The following DNER variants were observed in gnomAD, a reference collection of about 807,000 sequenced individuals.
DNER encodes delta and Notch-like epidermal growth factor-related receptor.
In DNER, 33 loss-of-function variants were observed where a neutral mutation model predicts 78.2. The observed-to-expected ratio is 0.42, with a 90% confidence interval of 0.32 to 0.56. The LOEUF is 0.56. DNER is among the 20% of genes least tolerant of loss of function. The pLI is 0.11. For synonymous variants in DNER, 417 were observed against 384.8 expected (o/e 1.08, Z -0.98); for missense variants, 918 against 975.3 (o/e 0.94, Z 0.78).
intron 11 of DNER, among the ~76,000 whole-genome samples, chr2:229,369,163 T>C (rs1574809354): frequency 6.6e-6 from 1 of 152,192 alleles, no homozygotes; most frequent in Non-Finnish European, 1.5e-5. Context: ...GAAACATGTT[T>C]TTAAAACATT....
intron 1 of DNER, among the ~76,000 whole-genome samples, chr2:229,702,781 G>A (rs1018475016): frequency 1.3e-5 from 2 of 151,906 alleles, no homozygotes; most frequent in Admixed American, 6.6e-5. Flanking sequence ...GCCGGGCGTG[G>A]TGGCGGGCGC....
At chr2:229,507,076 C>T (rs1293519897) in intron 6 of DNER, among the ~76,000 whole-genome samples, 1 of 152,092 alleles carries the variant, frequency 6.6e-6, no homozygotes, top group African/African-American at 2.4e-5. Context: ...TAGGCAACTG[C>T]AACACAATGA....
intron 1 of DNER, among the ~76,000 whole-genome samples, chr2:229,616,479 C>T (rs1698164983): frequency 1.3e-5 from 2 of 152,074 alleles, no homozygotes; most frequent in African/African-American, 4.8e-5. Context: ...CAAGAGAGCA[C>T]ACGAACATTA....
chr2:229,674,200 C>T (rs551530859), intron 1 of DNER, among the ~76,000 whole-genome samples: 4 of 152,316 alleles, frequency 2.6e-5, no homozygotes, highest in Non-Finnish European at 2.9e-5. Flanking sequence ...TAAATAGTTC[C>T]TTTGTTTAGC....
At chr2:229,450,955 G>T (rs902023068) in intron 7 of DNER, among the ~76,000 whole-genome samples, 1 of 152,188 alleles carries the variant, frequency 6.6e-6, no homozygotes, top group African/African-American at 2.4e-5. Context: ...TTAGGATCTT[G>T]TGTTTGATTC....
intron 6 of DNER, among the ~76,000 whole-genome samples, chr2:229,504,404 G>A (rs1040730266): frequency 2.0e-5 from 3 of 151,934 alleles, no homozygotes; most frequent in African/African-American, 7.3e-5. Context: ...ATTTTTAGTA[G>A]AGAGAGGGTT....
intron 1 of DNER, among the ~76,000 whole-genome samples, chr2:229,606,984 A>G (rs1697953441): frequency 6.6e-6 from 1 of 152,190 alleles, no homozygotes; most frequent in Non-Finnish European, 1.5e-5. Context: ...TACAGGACAC[A>G]TGGGACTCAC....
chr2:229,360,386 T>A (rs1265750863), intron 12 of DNER, among the ~76,000 whole-genome samples: 3 of 152,170 alleles, frequency 2.0e-5, no homozygotes, highest in African/African-American at 7.2e-5. Context: ...AAAACCCAAT[T>A]GTATATATCT....
chr2:229,479,963 G>A (rs191403805), intron 6 of DNER, among the ~76,000 whole-genome samples: 51 of 152,212 alleles, frequency 3.4e-4, no homozygotes, highest in Admixed American at 2.1e-3. Flanking sequence ...TTCTGTCCCC[G>A]GAAAGATGTC....
intron 1 of DNER, among the ~76,000 whole-genome samples, chr2:229,622,628 T>C (rs1698269321): frequency 6.6e-6 from 1 of 152,114 alleles, no homozygotes; most frequent in Non-Finnish European, 1.5e-5. Flanking sequence ...CCTCAGAATG[T>C]GGATTTTTTT....
intron 1 of DNER, among the ~76,000 whole-genome samples, chr2:229,618,315 G>A (rs763935824): frequency 3.3e-5 from 5 of 152,208 alleles, no homozygotes; most frequent in African/African-American, 4.8e-5. Context: ...CTAGAAAGGG[G>A]ATGACAACAG....
intron 1 of DNER, among the ~76,000 whole-genome samples, chr2:229,634,603 T>C (rs1485641226): frequency 3.3e-5 from 5 of 152,180 alleles, no homozygotes; most frequent in Non-Finnish European, 5.9e-5. Context: ...GAACTTATAA[T>C]GTAAGGCTCA....
At position 229,366,703 on chromosome 2, in the gene DNER, A is replaced by C. The variant is rs557868811; in HGVS notation, c.2102+170T>G. Among the ~76,000 whole-genome samples the C allele has an allele frequency of 6.6e-5, 10 of 152,338 alleles. No individual in the cohort carries two copies. The East Asian group carries it at 1.9e-3, about 29-fold the overall frequency. ...GAAAAGCTAGCAGCAAATTAAAAGGAGTTTGCTTATCAAGTGGTCGAATGA... is the reference window on the plus strand; with the variant it reads ...GAAAAGCTAGCAGCAAATTAAAAGGCGTTTGCTTATCAAGTGGTCGAATGA... On this transcript the variant is annotated intron_variant, in intron 12 of 12. Transcript: ENST00000341772.
Position 229,471,151 on chromosome 2 carries a change from A to T in DNER, c.1261+5989T>A, listed in dbSNP as rs565834686. Among the ~76,000 whole-genome samples, 6 of 152,170 alleles carry T rather than the reference A, an allele frequency of 3.9e-5. No individual in the cohort carries two copies. The East Asian group carries it at 1.2e-3, about 29-fold the overall frequency. ...CATGTTAGGGTGCTGGAAAAAAAAA[A>T]CAACTAAATCCCAAAACTATATCAC... On this transcript the variant is annotated intron_variant, in intron 7 of 12. Transcript: ENST00000341772.
chr2:229,381,955 G>C (rs993385304), intron 11 of DNER, among the ~76,000 whole-genome samples: 1 of 152,016 alleles, frequency 6.6e-6, no homozygotes, highest in South Asian at 2.1e-4. Flanking sequence ...TCCTCAAGTG[G>C]GTGCCTCCTG....
intron 7 of DNER, among the ~76,000 whole-genome samples, chr2:229,470,261 T>TATTC (rs1000919417): frequency 2.6e-5 from 4 of 152,152 alleles, no homozygotes; most frequent in African/African-American, 9.7e-5. Context: ...ATCATTTAAG[T>TATTC]ATTCATTCAT....
intron 1 of DNER, among the ~76,000 whole-genome samples, chr2:229,688,381 T>C (rs1699520049): frequency 6.6e-6 from 1 of 152,236 alleles, no homozygotes; most frequent in Admixed American, 6.5e-5. Flanking sequence ...TCCAATTTAA[T>C]TACGGAAATT....
intron 4 of DNER, among the ~76,000 whole-genome samples, chr2:229,570,254 G>A (rs1014817970): frequency 6.6e-6 from 1 of 152,188 alleles, no homozygotes; most frequent in Non-Finnish European, 1.5e-5. Flanking sequence ...TGATGCAACA[G>A]TAAGCAAAAC....
At chr2:229,638,284 A>T (rs1698559936) in intron 1 of DNER, among the ~76,000 whole-genome samples, 1 of 152,232 alleles carries the variant, frequency 6.6e-6, no homozygotes, top group African/African-American at 2.4e-5. Flanking sequence ...AGAATGAGTT[A>T]AGAGGACTTA....
Sources: gnomAD v4.1 joint callset for allele counts (sites outside exome capture counted in the v4.1 genomes callset) on GRCh38, gnomAD v4.1.1 for gene constraint, MANE v1.5 for transcripts, NCBI Gene and HGNC (gene_info 2026-07-23, HGNC 2026-07-21) for gene names.